The following MSI2 variants were observed in gnomAD, a reference collection of about 807,000 sequenced individuals.
MSI2 encodes RNA-binding protein Musashi homolog 2.
In MSI2, 17 loss-of-function variants were observed where a neutral mutation model predicts 45.6. The observed-to-expected ratio is 0.37, with a 90% CI of 0.26 to 0.56. The LOEUF is 0.56. Among genes scored for constraint, MSI2 ranks in the 20% least tolerant of loss-of-function variants. The pLI, the probability that MSI2 is intolerant of heterozygous loss-of-function variation, is 0.77. For missense variants in MSI2, 293 were observed against 444.2 expected (o/e 0.66, Z 3.06); for synonymous variants, 156 against 158.2 (o/e 0.99, Z 0.11).
chr17:57,286,284 A>T (rs1408951343), intron 5 of MSI2, among the ~76,000 whole-genome samples: 1 of 151,942 alleles, frequency 6.6e-6, no homozygotes, highest in Non-Finnish European at 1.5e-5. Flanking sequence ...TTTAGGGGGA[A>T]GCTCTGAAGG....
At chr17:57,578,637 G>T (rs917602991) in intron 7 of MSI2, among the ~76,000 whole-genome samples, 3 of 152,084 alleles carry the variant, frequency 2.0e-5, no homozygotes, top group African/African-American at 7.2e-5. Context: ...CAAAACAGGA[G>T]TAAAAACAAG....
chr17:57,321,870 C>T (rs1219493431), intron 5 of MSI2, among the ~76,000 whole-genome samples: 1 of 152,012 alleles, frequency 6.6e-6, no homozygotes, highest in Non-Finnish European at 1.5e-5. Flanking sequence ...GATCTTGGCT[C>T]ACCGCAACCT....
chr17:57,333,057 AAG>A (rs1304231683), intron 5 of MSI2, among the ~76,000 whole-genome samples: 1 of 152,096 alleles, frequency 6.6e-6, no homozygotes, highest in Admixed American at 6.5e-5. Flanking sequence ...GTACGGATGC[AAG>A]AGTCAGATGC....
chr17:57,378,231 T>C (rs964945915), intron 5 of MSI2, among the ~76,000 whole-genome samples: 7 of 151,860 alleles, frequency 4.6e-5, no homozygotes, highest in Non-Finnish European at 1.0e-4. Context: ...ATTACAGGCA[T>C]GTACCTCCAT....
At chr17:57,479,784 T>C (rs779397210) in intron 6 of MSI2, among the ~76,000 whole-genome samples, 49 of 152,318 alleles carry the variant, frequency 3.2e-4, no homozygotes, top group South Asian at 6.2e-4. Context: ...TACTGTGGGC[T>C]AGACAGGCAC....
At chr17:57,663,050 C>T (rs1349797760) in intron 11 of MSI2, among the ~76,000 whole-genome samples, 5 of 152,200 alleles carry the variant, frequency 3.3e-5, no homozygotes, top group Admixed American at 3.3e-4. Flanking sequence ...GATGAGTCAA[C>T]ATTTTTTCCT....
chr17:57,403,029 GA>G (rs998436372), intron 6 of MSI2, among the ~76,000 whole-genome samples: 1 of 152,228 alleles, frequency 6.6e-6, no homozygotes, highest in African/African-American at 2.4e-5. Flanking sequence ...TTGCATAATG[GA>G]AAGCTCTGGA....
At chr17:57,659,253 T>C (rs1911824243) in intron 11 of MSI2, among the ~76,000 whole-genome samples, 1 of 152,010 alleles carries the variant, frequency 6.6e-6, no homozygotes, top group Non-Finnish European at 1.5e-5. Context: ...TTTTGTTTTT[T>C]CTTTTTTTGT....
At chr17:57,637,293 A>G (rs189825204) in intron 10 of MSI2, among the ~76,000 whole-genome samples, 51 of 152,234 alleles carry the variant, frequency 3.4e-4, no homozygotes, top group African/African-American at 1.2e-3. Context: ...CCAAACCCAG[A>G]CCGACCGCGG....
chr17:57,515,964 G>C (rs1254465254), intron 6 of MSI2, among the ~76,000 whole-genome samples: 1 of 152,040 alleles, frequency 6.6e-6, no homozygotes, highest in African/African-American at 2.4e-5. Context: ...ATAGGACAAA[G>C]AGCTCTTGTG....
At chr17:57,562,161 C>T (rs1477136711) in intron 7 of MSI2, among the ~76,000 whole-genome samples, 5 of 152,172 alleles carry the variant, frequency 3.3e-5, no homozygotes, top group African/African-American at 1.2e-4. Context: ...TTCATCCATC[C>T]ATCCCCATCC....
intron 7 of MSI2, among the ~76,000 whole-genome samples, chr17:57,553,883 C>A (rs1408214789): frequency 6.6e-6 from 1 of 152,180 alleles, no homozygotes; most frequent in African/African-American, 2.4e-5. Context: ...TTGTCTCTTT[C>A]AAGAGAAGAA....
At chr17:57,639,527 C>T (rs1910090252) in intron 10 of MSI2, among the ~76,000 whole-genome samples, 1 of 152,238 alleles carries the variant, frequency 6.6e-6, no homozygotes. Context: ...AGGCTGTTCC[C>T]CGACTGGGGC....
chr17:57,428,409 A>G (rs1345863696), intron 6 of MSI2, among the ~76,000 whole-genome samples: 2 of 151,540 alleles, frequency 1.3e-5, no homozygotes, highest in South Asian at 4.2e-4. Flanking sequence ...TTATTTTTTA[A>G]AAGAGATGTG....
At chr17:57,419,529 A>ATT (rs36114353) in intron 6 of MSI2, among the ~76,000 whole-genome samples, 13,898 of 145,356 alleles carry the variant, frequency 0.096, 717 homozygotes, top group East Asian at 0.2. Context: ...TGCCTGGCTA[A>ATT]TTTTTTTTTT....
chr17:57,592,080 G>A (rs527507162), intron 7 of MSI2, among the ~76,000 whole-genome samples: 2 of 151,802 alleles, frequency 1.3e-5, no homozygotes, highest in East Asian at 3.9e-4. Flanking sequence ...GCTGAGGCAG[G>A]AGAATCGCAT....
intron 5 of MSI2, among the ~76,000 whole-genome samples, chr17:57,350,776 A>G (rs1915972582): frequency 6.6e-6 from 1 of 152,130 alleles, no homozygotes; most frequent in Non-Finnish European, 1.5e-5. Flanking sequence ...CTCTCTGTCA[A>G]TACCATGGCA....
At chr17:57,265,880 G>A (rs1907723507) in intron 5 of MSI2, 1 of 152,214 alleles carries the variant, frequency 6.6e-6, no homozygotes. Flanking sequence ...ATCACTCCCT[G>A]TTCTTTGCTC....
chr17:57,495,601 C>G (rs1425607381), intron 6 of MSI2, among the ~76,000 whole-genome samples: 1 of 151,126 alleles, frequency 6.6e-6, no homozygotes, highest in Non-Finnish European at 1.5e-5. Flanking sequence ...TCTGACCTGG[C>G]TCTCTTGATA....
Sources: allele counts gnomAD v4.1 joint callset (sites outside exome capture counted in the v4.1 genomes callset), GRCh38; gene constraint gnomAD v4.1.1; transcripts MANE v1.5; gene names NCBI Gene and HGNC (gene_info 2026-07-23, HGNC 2026-07-21).